The following RIN2 variants were observed in gnomAD, a reference collection of about 807,000 sequenced individuals.
RIN2 encodes Ras and Rab interactor 2.
RIN2 carries 36 observed loss-of-function variants against 78.0 expected under a neutral mutation model. The ratio of observed to expected loss-of-function variants is 0.46; its 90% CI spans 0.35 to 0.61. RIN2 has a LOEUF of 0.61. Ranked by LOEUF, RIN2 falls within the 20% of genes least tolerant of loss-of-function variation. RIN2 has a pLI of 0.00. For synonymous variants in RIN2, 466 were observed against 466.8 expected, an observed-to-expected ratio of 1.00 and a Z score of 0.02; for missense variants, 1,087 against 1,159.7, an observed-to-expected ratio of 0.94 and a Z score of 0.91.
chr20:19,870,576 G>A (rs2037660265), intron 2 of RIN2, among the ~76,000 whole-genome samples: 2 of 152,178 alleles, frequency 1.3e-5, no homozygotes, highest in Admixed American at 6.5e-5. Flanking sequence ...GAACCCAGGA[G>A]GCAGAGGTTG....
At chr20:19,785,918 C>G (rs1224757344) in intron 1 of RIN2, among the ~76,000 whole-genome samples, 1 of 152,124 alleles carries the variant, frequency 6.6e-6, no homozygotes, top group African/African-American at 2.4e-5. Flanking sequence ...GTATATATGT[C>G]AAAGTAACAC....
chr20:19,768,093 G>A (rs1345035811), intron 1 of RIN2, among the ~76,000 whole-genome samples: 1 of 152,116 alleles, frequency 6.6e-6, no homozygotes, highest in African/African-American at 2.4e-5. Flanking sequence ...TCCAGACTGT[G>A]TGTCACGATG....
intron 2 of RIN2, among the ~76,000 whole-genome samples, chr20:19,840,200 T>A (rs1385673921): frequency 6.6e-6 from 1 of 152,156 alleles, no homozygotes; most frequent in African/African-American, 2.4e-5. Context: ...AAACAGAAAC[T>A]TGGAGAGAAC....
chr20:19,922,959 C>A (rs1436207488), intron 3 of RIN2, among the ~76,000 whole-genome samples: 1 of 152,208 alleles, frequency 6.6e-6, no homozygotes, highest in Non-Finnish European at 1.5e-5. Flanking sequence ...AGCATAACTT[C>A]CGTGAACTCT....
chr20:19,992,991 C>T (rs2146398904), intron 11 of RIN2, among the ~76,000 whole-genome samples: 1 of 152,124 alleles, frequency 6.6e-6, no homozygotes, highest in African/African-American at 2.4e-5. Flanking sequence ...TCTCAATTTA[C>T]GTTGGCATTC....
intron 2 of RIN2, among the ~76,000 whole-genome samples, chr20:19,835,218 A>G (rs2036386693): frequency 6.6e-6 from 1 of 151,950 alleles, no homozygotes; most frequent in Non-Finnish European, 1.5e-5. Context: ...TGCATCTATC[A>G]TTTTCTTCAT....
chr20:19,970,416 G>C (rs1203991470), intron 7 of RIN2, among the ~76,000 whole-genome samples: 4 of 152,222 alleles, frequency 2.6e-5, no homozygotes, highest in African/African-American at 9.7e-5. Flanking sequence ...AAGGCAATGG[G>C]CTAATTCATC....
chr20:19,957,807 C>A (rs1463864415), intron 5 of RIN2, among the ~76,000 whole-genome samples: 1 of 152,210 alleles, frequency 6.6e-6, no homozygotes, highest in African/African-American at 2.4e-5. Context: ...GTTACCGTAG[C>A]CACATTTTAA....
chr20:19,835,016 G>C (rs7509006), intron 2 of RIN2, among the ~76,000 whole-genome samples: 1 of 149,944 alleles, frequency 6.7e-6, no homozygotes, highest in Non-Finnish European at 1.5e-5. Context: ...GAAAGAAAAA[G>C]AGAGAGAGAA....
chr20:19,860,894 A>G (rs537098708), intron 2 of RIN2, among the ~76,000 whole-genome samples: 2 of 152,368 alleles, frequency 1.3e-5, no homozygotes, highest in South Asian at 2.1e-4. Flanking sequence ...AAAAAGCCAT[A>G]AAAGAGGTGG....
At chr20:19,816,163 TC>T (rs1267035157) in intron 2 of RIN2, among the ~76,000 whole-genome samples, 1 of 152,132 alleles carries the variant, frequency 6.6e-6, no homozygotes, top group African/African-American at 2.4e-5. Flanking sequence ...CTTCCTTGAG[TC>T]TAATTTTAGA....
Position 19,935,072 on chromosome 20 carries a change from C to T in RIN2, c.58-27C>T, listed in dbSNP as rs753742988. 7.7e-6 allele frequency: 12 copies of T among 1,549,490 alleles called. No homozygotes were observed. The African/African-American group carries it at 9.6e-5, about 12-fold the overall frequency. ...CATGCCACGCCTCTCCACTTCCTGACGTCATACTATTTTTGTCTTTGAATA... is the reference window on the plus strand; with the variant it reads ...CATGCCACGCCTCTCCACTTCCTGATGTCATACTATTTTTGTCTTTGAATA... On this transcript the variant is annotated intron_variant, in intron 3 of 12. Coordinates refer to ENST00000255006, the MANE Select transcript of RIN2 (RefSeq NM_018993.4).
Position 19,922,794 on chromosome 20 carries a change from A to G in RIN2, c.58-12305A>G, listed in dbSNP as rs147106083. ...AAGACCAGTGTCCCCAGCAGATACA[A>G]TTAGCCAATGCATTCTGCCACCTGG... On this transcript the variant is annotated intron_variant, in intron 3 of 12. Coordinates refer to ENST00000255006, the MANE Select transcript of RIN2 (RefSeq NM_018993.4). Among the ~76,000 whole-genome samples, 211 of 152,260 alleles carry G rather than the reference A, an allele frequency of 1.4e-3. 1 individual carries two copies. Among genetic ancestry groups the G allele is most frequent in the African/African-American group, 4.9e-3 (204 of 41,540 alleles).
At chr20:19,822,423 A>T (rs1401845324) in intron 2 of RIN2, among the ~76,000 whole-genome samples, 1 of 152,226 alleles carries the variant, frequency 6.6e-6, no homozygotes, top group African/African-American at 2.4e-5. Flanking sequence ...CATTATCTGT[A>T]TGAAGAGACT....
At chr20:19,982,562 T>C (rs1002363825) in intron 9 of RIN2, among the ~76,000 whole-genome samples, 5 of 152,170 alleles carry the variant, frequency 3.3e-5, no homozygotes, top group African/African-American at 1.2e-4. Context: ...TCAGGCAGGT[T>C]TGAAGCCCTG....
intron 2 of RIN2, chr20:19,824,071 A>G: frequency 1.6e-6 from 1 of 624,456 alleles, no homozygotes; most frequent in South Asian, 1.9e-5. Context: ...AGGGACTGGT[A>G]TGCACATGTG....
intron 4 of RIN2, among the ~76,000 whole-genome samples, chr20:19,950,762 GT>G (rs1367105700): frequency 6.6e-6 from 1 of 152,040 alleles, no homozygotes; most frequent in African/African-American, 2.4e-5. Context: ...CCAGGCTGGA[GT>G]GCAATGGTGC....
At chr20:19,887,612 C>A (rs548233977) in intron 2 of RIN2, among the ~76,000 whole-genome samples, 2 of 152,264 alleles carry the variant, frequency 1.3e-5, no homozygotes, top group South Asian at 4.1e-4. Context: ...AGTTTTCAGG[C>A]AGCTAATTAA....
chr20:19,929,469 C>T (rs74851452), intron 3 of RIN2, among the ~76,000 whole-genome samples: 1 of 152,156 alleles, frequency 6.6e-6, no homozygotes, highest in African/African-American at 2.4e-5. Flanking sequence ...TCAAGCGATT[C>T]TCCTCCCTCA....
Sources: gnomAD v4.1 joint callset for allele counts (sites outside exome capture counted in the v4.1 genomes callset) on GRCh38, gnomAD v4.1.1 for gene constraint, MANE v1.5 for transcripts, NCBI Gene and HGNC (gene_info 2026-07-23, HGNC 2026-07-21) for gene names.